The following SNRNP25 variants were observed in gnomAD, a reference collection of about 807,000 sequenced individuals.
SNRNP25 encodes the protein U11/U12 small nuclear ribonucleoprotein 25 kDa protein.
A neutral mutation model predicts 23.9 loss-of-function variants in SNRNP25; 21 were observed. The observed-to-expected ratio is 0.88, with a 90% CI of 0.62 to 1.27. The LOEUF (loss-of-function observed/expected upper bound fraction) is 1.27, where lower values mean the gene tolerates loss of function less well. Ranked by LOEUF, SNRNP25 falls within the 50% of genes most tolerant of loss-of-function variation. The pLI, the probability that SNRNP25 is intolerant of heterozygous loss-of-function variation, is 0.00. For missense variants in SNRNP25, 160 were observed against 156.9 expected, an observed-to-expected ratio of 1.02 and a Z score of -0.11; for synonymous variants, 63 against 60.4, an observed-to-expected ratio of 1.04 and a Z score of -0.20.
At chr16:56,215 G>A (rs1300358269) in intron 3 of SNRNP25, 1 of 678,242 alleles carries the variant, frequency 1.5e-6, no homozygotes, top group South Asian at 1.5e-5. Context: ...TGGTACACCT[G>A]TAGGGGCTCC....
In SNRNP25 at chr16:53,880, G is replaced by A. The variant is rs1897372698; in HGVS notation, c.-137G>A. ...TCCCTAGTGCGGGCTGGCAGTGCGG[G>A]CAGAGCCCGGCTGAGAGGGGCGGCC... On this transcript the variant is annotated 5_prime_UTR_variant, in exon 1 of 5. Coordinates refer to ENST00000293861, the MANE Select transcript of SNRNP25 (RefSeq NM_024571.4). 5 of 1,488,818 alleles carry A rather than the reference G, an allele frequency of 3.4e-6. No homozygotes were observed. The highest frequency in any genetic ancestry group is 2.8e-5 in the African/African-American group (2 of 71,930). 92.2% of individuals were successfully genotyped at this position (1,488,818 alleles called of 1,614,324 possible). A position where few individuals can be genotyped will look rare whatever the true frequency, so the allele number is the denominator to read the frequency against.
rs969294992 is a variant in SNRNP25, at chr16:53,906, C to G, written c.-111C>G. The G allele has an allele frequency of 2.0e-5, 30 of 1,523,944 alleles. No individual in the cohort carries two copies. Among genetic ancestry groups the G allele is most frequent in the South Asian group, 1.7e-4 (14 of 83,906 alleles). The allele number at this position is 1,523,944 out of a possible 1,614,324, so 94.4% of individuals were successfully genotyped here. ...CAGAGCCCGGCTGAGAGGGGCGGCCCTGGAGGAGACGGAGGCCGCGGGTGG... is the reference window on the plus strand; with the variant it reads ...CAGAGCCCGGCTGAGAGGGGCGGCCGTGGAGGAGACGGAGGCCGCGGGTGG... On this transcript the variant is annotated 5_prime_UTR_variant, in exon 1 of 5. Transcript: ENST00000293861.
chr16:55,100 A>C (rs74532947), intron 1 of SNRNP25: 6,294 of 192,660 alleles, frequency 0.033, 132 homozygotes, highest in Non-Finnish European at 0.045. Flanking sequence ...AATTTTGCAC[A>C]CCTGCCTTAC....
At position 53,840 on chromosome 16, in the gene SNRNP25, C is replaced by A; in HGVS notation, c.-177C>A. 2.2e-6 allele frequency: 3 copies of A among 1,393,842 alleles called. No individual in the cohort carries two copies. The highest frequency in any genetic ancestry group is 9.5e-7 in the Non-Finnish European group (1 of 1,052,460). The allele number at this position is 1,393,842 out of a possible 1,614,324, so 86.3% of individuals were successfully genotyped here. A position where few individuals can be genotyped will look rare whatever the true frequency, so the allele number is the denominator to read the frequency against. Reference sequence around the variant, plus strand: ...GCTGGGGCGGGCCGCAGTTCCTGCGCGTGCGCGCTTGGCCTCCCTAGTGCG... The same window carrying A: ...GCTGGGGCGGGCCGCAGTTCCTGCGAGTGCGCGCTTGGCCTCCCTAGTGCG... On this transcript the variant is annotated 5_prime_UTR_variant, in exon 1 of 5. Coordinates refer to ENST00000293861, the MANE Select transcript of SNRNP25 (RefSeq NM_024571.4).
intron 3 of SNRNP25, chr16:56,195 T>C: frequency 1.4e-5 from 9 of 657,856 alleles, no homozygotes; most frequent in Non-Finnish European, 2.6e-5. Flanking sequence ...GTGGCCTCCC[T>C]AGTTTTGGAT....
chr16:57,314 C>A lies in SNRNP25; in HGVS notation c.*171C>A. 1.5e-6 allele frequency: 1 copy of A among 664,174 alleles called. No individual in the cohort carries two copies. Among genetic ancestry groups the A allele is most frequent in the Non-Finnish European group, 2.6e-6 (1 of 379,712 alleles). 41.1% of individuals were successfully genotyped at this position (664,174 alleles called of 1,614,324 possible). A position where few individuals can be genotyped will look rare whatever the true frequency, so the allele number is the denominator to read the frequency against. Reference sequence around the variant, plus strand: ...AACCTGGGGGCCCTCAGGACTAGGACAGGGTGAGCCAGTGCTCCCTCCTTT... The same window carrying A: ...AACCTGGGGGCCCTCAGGACTAGGAAAGGGTGAGCCAGTGCTCCCTCCTTT... On this transcript the variant is annotated 3_prime_UTR_variant, in exon 5 of 5. Coordinates refer to ENST00000293861, the MANE Select transcript of SNRNP25 (RefSeq NM_024571.4).
In SNRNP25 at chr16:56,546, G is replaced by T. The variant is rs114051538; in HGVS notation, c.247G>T (p.Val83Leu). 3 of 1,613,992 alleles carry T rather than the reference G, an allele frequency of 1.9e-6. No individual in the cohort carries two copies. The highest frequency in any genetic ancestry group is 2.5e-6 in the Non-Finnish European group (3 of 1,180,004). ...TGCATTCCCCTCTTGCAGGTCCTACGTGTGGAGGACGTACCATCTGACCTC... is the reference window on the plus strand; with the variant it reads ...TGCATTCCCCTCTTGCAGGTCCTACTTGTGGAGGACGTACCATCTGACCTC... ...GGIQHISWSY[V>L]WRTYHLTSAG... is the part of the protein sequence containing the mutation. Residue 83 changes from valine to leucine, a missense_variant, in exon 4 of 5, where the codon GTG becomes TTG. Physicochemically the swap from Val to Leu is conservative, Grantham distance 32 (BLOSUM62 1). Coordinates refer to ENST00000293861, the MANE Select transcript of SNRNP25 (RefSeq NM_024571.4).
In SNRNP25 at chr16:55,870, A is replaced by G. The variant is rs1897400497; in HGVS notation, c.227A>G (p.Gln76Arg). ...AAGCAGGAGCGTGAAGGGGGCATTC[A>G]GCACATCAGCTGGTAAGTGGAACAA... Reference protein sequence around the residue: ...QLKQEREGGIQHISWSYVWRT... With the variant: ...QLKQEREGGIRHISWSYVWRT... The change falls in exon 3 of 5, where the codon CAG (glutamine) becomes CGG (arginine). Residue 76 changes from glutamine (Q) to arginine (R), a missense_variant. Physicochemically the swap from Gln to Arg is conservative, Grantham distance 43 (BLOSUM62 1). Coordinates refer to ENST00000293861, the MANE Select transcript of SNRNP25 (RefSeq NM_024571.4). 1 of 1,613,898 alleles carries G rather than the reference A, an allele frequency of 6.2e-7. No individual in the cohort carries two copies. The highest frequency in any genetic ancestry group is 1.3e-5 in the African/African-American group (1 of 74,948).
chr16:56,657 G>A, intron 4 of SNRNP25, 44 bp downstream of exon 4: 2 of 1,603,208 alleles, frequency 1.2e-6, no homozygotes, highest in Non-Finnish European at 1.7e-6. Flanking sequence ...CCGCTGTTCT[G>A]TTGCCCCTTA....
chr16:57,000 T>A (rs1007589464), intron 4 of SNRNP25, 86 bp from the exon 5 acceptor site: 44 of 1,479,540 alleles, frequency 3.0e-5, no homozygotes, highest in Non-Finnish European at 4.0e-5. Context: ...CTGTTGTTTC[T>A]TCGTGGTCCT....
chr16:55,252 C>T lies in SNRNP25; in HGVS notation c.43-207C>T, dbSNP rs575530652. On this transcript the variant is annotated intron_variant, in intron 1 of 4. Coordinates refer to ENST00000293861, the MANE Select transcript of SNRNP25 (RefSeq NM_024571.4). ...TCTTAGCACCTCTTTCCCCCAGAGA[C>T]TCTGTCCACTATGGACATTAAAATG... is the stretch of plus-strand genomic sequence containing the variant. The T allele has an allele frequency of 1.5e-3, 796 of 519,152 alleles. 5 individuals are homozygous for T. The highest frequency in any genetic ancestry group is 2.5e-3 in the Admixed American group (77 of 30,684). 32.2% of individuals were successfully genotyped at this position (519,152 alleles called of 1,614,324 possible).
At chr16:54,335 C>A (rs984057305) in intron 1 of SNRNP25, among the ~76,000 whole-genome samples, 1 of 152,168 alleles carries the variant, frequency 6.6e-6, no homozygotes, top group Non-Finnish European at 1.5e-5. Context: ...CTGCGTTGCC[C>A]GGGCTGGAGT....
At position 55,530 on chromosome 16, in the gene SNRNP25, G is replaced by C. The variant is rs999318180; in HGVS notation, c.114G>C (p.Lys38Asn). ...YGQAMTVRVC[K>N]MDGEVMPVVV... Reference sequence around the variant, plus strand: ...AGGCAATGACGGTCCGAGTGTGCAAGATGGATGGAGAAGTAATGCGTAAGT... The same window carrying C: ...AGGCAATGACGGTCCGAGTGTGCAACATGGATGGAGAAGTAATGCGTAAGT... The change falls in exon 2 of 5, where the codon AAG (lysine) becomes AAC (asparagine). Residue 38 changes from lysine to asparagine, a missense_variant. Physicochemically the swap from Lys to Asn is moderately conservative, Grantham distance 94 (BLOSUM62 0). Coordinates refer to ENST00000293861, the MANE Select transcript of SNRNP25 (RefSeq NM_024571.4). 1.2e-6 allele frequency: 2 copies of C among 1,614,054 alleles called. No individual in the cohort carries two copies. Among genetic ancestry groups the C allele is most frequent in the African/African-American group, 2.7e-5 (2 of 74,912 alleles).
intron 2 of SNRNP25, 29 bp downstream of exon 2, chr16:55,578 A>T (rs1295916296): frequency 1.2e-6 from 2 of 1,611,668 alleles, no homozygotes; most frequent in South Asian, 2.2e-5. Flanking sequence ...CCTTCAGGTT[A>T]TGTGGTCCAG....
chr16:56,693 G>A lies in SNRNP25; in HGVS notation c.314+80G>A, dbSNP rs569569156. Reference sequence around the variant, plus strand: ...GTCCCCCATGCTCTGCCAGAGGGCTGCGGCTCCCTCTCCGGAGATAACACC... The same window carrying A: ...GTCCCCCATGCTCTGCCAGAGGGCTACGGCTCCCTCTCCGGAGATAACACC... On this transcript the variant is annotated intron_variant, in intron 4 of 4. Transcript: ENST00000293861. 1.0e-5 allele frequency: 15 copies of A among 1,471,634 alleles called. No individual in the cohort carries two copies. In the South Asian group the frequency reaches 1.3e-4, roughly 12 times the overall value. The allele number at this position is 1,471,634 out of a possible 1,614,324, so 91.2% of individuals were successfully genotyped here. A position where few individuals can be genotyped will look rare whatever the true frequency, so the allele number is the denominator to read the frequency against.
chr16:54,023 G>A lies in SNRNP25; in HGVS notation c.7G>A (p.Val3Met). The change falls in exon 1 of 5, where the codon GTG becomes ATG. Residue 3 changes from valine to methionine, a missense_variant. Val to Met is a conservative substitution (Grantham distance 21, BLOSUM62 1). Transcript: ENST00000293861. MV[V>M]QDPLLCDLPI... ...GTTCCAGGAGGGTCTGGCTATGGTGGTGCAGGACCCGCTGCTCTGCGATCT... is the reference window on the plus strand; with the variant it reads ...GTTCCAGGAGGGTCTGGCTATGGTGATGCAGGACCCGCTGCTCTGCGATCT... The A allele has an allele frequency of 1.2e-6, 2 of 1,609,692 alleles. No individual in the cohort carries two copies. The highest frequency in any genetic ancestry group is 2.2e-5 in the South Asian group (2 of 90,384).
chr16:55,448 G>C lies in SNRNP25; in HGVS notation c.43-11G>C. ...GCCAGGGTTCCCACTTCTGCCCTTG[G>C]TCTTTTGTAGGTTACTCTGGAAGAA... is the stretch of plus-strand genomic sequence containing the variant. On this transcript the variant is annotated splice_polypyrimidine_tract_variant and intron_variant, in intron 1 of 4. Transcript: ENST00000293861. 6.2e-7 allele frequency: 1 copy of C among 1,613,660 alleles called. No individual in the cohort carries two copies. The highest frequency in any genetic ancestry group is 8.5e-7 in the Non-Finnish European group (1 of 1,179,666).
rs570734957 is a variant in SNRNP25, at chr16:54,158, C to A, written c.42+100C>A. 8 of 1,354,118 alleles carry A rather than the reference C, an allele frequency of 5.9e-6. No homozygotes were observed. The African/African-American group carries it at 1.0e-4, about 17-fold the overall frequency. The allele number at this position is 1,354,118 out of a possible 1,614,324, so 83.9% of individuals were successfully genotyped here. A position where few individuals can be genotyped will look rare whatever the true frequency, so the allele number is the denominator to read the frequency against. ...AAGGTGCTGGTGGGAGACTGCGGCCCAAGGCTGAGGAAGGCGCCTCTGGGC... is the reference window on the plus strand; with the variant it reads ...AAGGTGCTGGTGGGAGACTGCGGCCAAAGGCTGAGGAAGGCGCCTCTGGGC... On this transcript the variant is annotated intron_variant, in intron 1 of 4. Coordinates refer to ENST00000293861, the MANE Select transcript of SNRNP25 (RefSeq NM_024571.4).
intron 1 of SNRNP25, among the ~76,000 whole-genome samples, chr16:54,616 A>AT (rs1200343910): frequency 1.3e-5 from 2 of 152,168 alleles, no homozygotes; most frequent in Admixed American, 1.3e-4. Context: ...TTTAGTTTTA[A>AT]ATAAGAGCAA....
Sources: allele counts gnomAD v4.1 joint callset (sites outside exome capture counted in the v4.1 genomes callset), GRCh38; gene constraint gnomAD v4.1.1; transcripts MANE v1.5; gene names NCBI Gene and HGNC (gene_info 2026-07-23, HGNC 2026-07-21).